The following CCDC13 variants were observed in gnomAD, a reference collection of about 807,000 sequenced individuals.
CCDC13 encodes the protein coiled-coil domain containing 13, also known as coiled-coil domain-containing protein 13.
CCDC13 carries 70 observed loss-of-function variants against 87.3 expected under a neutral mutation model. That is an observed-to-expected ratio of 0.80 (90% CI 0.66 to 0.98). The LOEUF is 0.98. Among genes scored for constraint, CCDC13 ranks in the 50% least tolerant of loss-of-function variants. The pLI is 0.00. For missense variants in CCDC13, 842 were observed against 892.0 expected (o/e 0.94, Z 0.71); for synonymous variants, 317 against 360.3 (o/e 0.88, Z 1.36).
chr3:42,709,668 CG>C lies in CCDC13; in HGVS notation c.1988+15del, dbSNP rs772093154. 4 of 1,599,102 alleles carry C rather than the reference CG, an allele frequency of 2.5e-6. No individual in the cohort carries two copies. The highest frequency in any genetic ancestry group is 3.4e-6 in the Non-Finnish European group (4 of 1,166,674). ...AGACAACCCTACCCTTTCAGGAAGG[CG>C]GGGCAGGGGAGCACCTGGTTGTCAG... On this transcript the variant is annotated intron_variant, in intron 15 of 15. Coordinates refer to ENST00000310232, the MANE Select transcript of CCDC13 (RefSeq NM_144719.4).
intron 13 of CCDC13, chr3:42,718,265 T>C (rs1198097982): frequency 1.3e-5 from 2 of 152,040 alleles, no homozygotes; most frequent in Non-Finnish European, 2.9e-5. Context: ...GAAAGTGACC[T>C]CTGGATGTCC....
intron 3 of CCDC13, among the ~76,000 whole-genome samples, chr3:42,753,524 C>A (rs1002814097): frequency 6.6e-6 from 1 of 152,126 alleles, no homozygotes; most frequent in African/African-American, 2.4e-5. Context: ...GGTTTACATT[C>A]AAGTAGGGAA....
intron 1 of CCDC13, among the ~76,000 whole-genome samples, chr3:42,768,680 G>A (rs1023846894): frequency 7.3e-6 from 1 of 137,824 alleles, no homozygotes; most frequent in Admixed American, 7.9e-5. Context: ...CTGGGCTACA[G>A]AGAAAGACTC....
intron 11 of CCDC13, 96 bp from the exon 12 acceptor site, chr3:42,733,066 G>C: frequency 3.0e-6 from 3 of 1,002,390 alleles, no homozygotes; most frequent in South Asian, 3.1e-5. Flanking sequence ...TGGCCAGCAG[G>C]GGTCCAGGAA....
At chr3:42,739,905 TG>T (rs1699160500) in intron 8 of CCDC13, 95 bp from the exon 9 acceptor site, 3 of 1,146,454 alleles carry the variant, frequency 2.6e-6, no homozygotes, top group East Asian at 2.4e-5. Flanking sequence ...GGCCCGGGGC[TG>T]GGGGTGGGGG....
intron 1 of CCDC13, among the ~76,000 whole-genome samples, chr3:42,769,418 T>C (rs188644379): frequency 4.5e-4 from 69 of 152,322 alleles, no homozygotes; most frequent in Non-Finnish European, 8.4e-4. Flanking sequence ...GCAAGACAAT[T>C]GGGTAGTCTT....
chr3:42,766,782 C>T (rs1323171936), intron 1 of CCDC13, among the ~76,000 whole-genome samples: 1 of 152,182 alleles, frequency 6.6e-6, no homozygotes, highest in African/African-American at 2.4e-5. Context: ...AAACCTATCA[C>T]ATCAACAGGC....
chr3:42,739,095 T>G (rs990474319), intron 9 of CCDC13, among the ~76,000 whole-genome samples: 1 of 152,110 alleles, frequency 6.6e-6, no homozygotes, highest in Non-Finnish European at 1.5e-5. Flanking sequence ...TCCAGGAAGT[T>G]TTTATAGTCA....
At chr3:42,754,286 G>A (rs914538750) in intron 3 of CCDC13, among the ~76,000 whole-genome samples, 2 of 152,134 alleles carry the variant, frequency 1.3e-5, no homozygotes, top group Non-Finnish European at 2.9e-5. Context: ...AGGAGTAGCT[G>A]CCCTTGGAAT....
chr3:42,729,070 G>T (rs1439262684), intron 13 of CCDC13, among the ~76,000 whole-genome samples: 1 of 152,126 alleles, frequency 6.6e-6, no homozygotes, highest in East Asian at 1.9e-4. Context: ...ACATTATGTG[G>T]GGTAGAATTA....
intron 9 of CCDC13, among the ~76,000 whole-genome samples, chr3:42,739,306 C>T (rs1331137594): frequency 1.3e-5 from 2 of 152,182 alleles, no homozygotes; most frequent in Non-Finnish European, 2.9e-5. Flanking sequence ...TCCTCTTGTC[C>T]CTTTCATTCC....
At chr3:42,749,839 A>C in intron 5 of CCDC13, 1 of 456,544 alleles carries the variant, frequency 2.2e-6, no homozygotes, top group Non-Finnish European at 4.4e-6. Flanking sequence ...CTGAAGCCCC[A>C]AGCAGAGGGA....
rs1698902094 is a variant in CCDC13, at chr3:42,733,588, C to T, written c.1393G>A (p.Gly465Ser). 5 of 1,611,352 alleles carry T rather than the reference C, an allele frequency of 3.1e-6. No individual in the cohort carries two copies. The change falls in exon 11 of 16, where the codon GGT becomes AGT. Residue 465 changes from glycine to serine, a missense_variant. Gly to Ser is a moderately conservative substitution (Grantham distance 56). Transcript: ENST00000310232. ...ACCTCGCGGCCACTGGACCCCTCAC[C>T]CACTCCTTTATTCCGAAGATACTGT... Reference protein sequence around the residue: ...NVHYLRNKGVGEGSSGREVSP... With the variant: ...NVHYLRNKGVSEGSSGREVSP...
At chr3:42,729,445 G>C (rs1332591543) in intron 13 of CCDC13, among the ~76,000 whole-genome samples, 6 of 152,174 alleles carry the variant, frequency 3.9e-5, no homozygotes, top group Non-Finnish European at 8.8e-5. Flanking sequence ...TGCACCCCTA[G>C]CTCCTTCTTT....
Position 42,752,009 on chromosome 3 carries a change from GT to G in CCDC13, c.529del (p.Thr177ProfsTer31). Reference sequence around the variant, plus strand: ...GGTGGCCCCCTTGGCTGACAGCCTGGTCAGGGCTGTCTGCAGCTGAAAAAGC... The same window carrying G: ...GGTGGCCCCCTTGGCTGACAGCCTGGCAGGGCTGTCTGCAGCTGAAAAAGC... ...ELERELQTALTRLSAKGATDA... is the reference protein window; with the variant it reads ...ELERELQTALXRLSAKGATDA... On this transcript the variant is annotated frameshift_variant, in exon 5 of 16. Transcript: ENST00000310232. LOFTEE classifies it high-confidence loss of function. 6.2e-7 allele frequency: 1 copy of G among 1,607,342 alleles called. No individual in the cohort carries two copies. The highest frequency in any genetic ancestry group is 8.5e-7 in the Non-Finnish European group (1 of 1,179,988).
At chr3:42,738,938 A>G (rs1699119030) in intron 9 of CCDC13, among the ~76,000 whole-genome samples, 1 of 152,240 alleles carries the variant, frequency 6.6e-6, no homozygotes, top group South Asian at 2.1e-4. Flanking sequence ...CAGAACTTCC[A>G]ACACTATGTT....
intron 13 of CCDC13, among the ~76,000 whole-genome samples, chr3:42,727,631 A>C (rs1452111777): frequency 6.6e-6 from 1 of 152,158 alleles, no homozygotes; most frequent in African/African-American, 2.4e-5. Context: ...TTAAAAAAAG[A>C]ATGTGGAAGA....
intron 2 of CCDC13, 92 bp from the exon 3 acceptor site, chr3:42,757,306 A>C: frequency 1.6e-6 from 2 of 1,226,776 alleles, no homozygotes; most frequent in South Asian, 3.0e-5. Context: ...ACAGATGGAC[A>C]CGCAGATGCA....
intron 1 of CCDC13, among the ~76,000 whole-genome samples, chr3:42,769,132 C>G (rs938520385): frequency 1.3e-5 from 2 of 151,692 alleles, no homozygotes; most frequent in Admixed American, 6.6e-5. Context: ...GAGTGAAACG[C>G]CGTTTCAAAA....
Sources: allele counts gnomAD v4.1 joint callset (sites outside exome capture counted in the v4.1 genomes callset), GRCh38; gene constraint gnomAD v4.1.1; transcripts MANE v1.5; gene names NCBI Gene and HGNC (gene_info 2026-07-23, HGNC 2026-07-21).